Variants in SSBP3 observed in about 807,000 individuals in gnomAD.
The protein encoded by SSBP3 is single stranded DNA binding protein 3, also known as single-stranded DNA-binding protein 3.
Under a neutral mutation model 69.6 loss-of-function variants are expected in SSBP3, and 5 were observed. The ratio of observed to expected loss-of-function variants is 0.07; its 90% CI spans 0.04 to 0.15. The LOEUF is 0.15. SSBP3 is among the 10% of genes least tolerant of loss of function. The pLI, the probability that SSBP3 is intolerant of heterozygous loss-of-function variation, is 1.00. For synonymous variants in SSBP3, 196 were observed against 193.4 expected (o/e 1.01, Z -0.11); for missense variants, 312 against 534.0 (o/e 0.58, Z 4.10).
intron 10 of SSBP3, among the ~76,000 whole-genome samples, 195 bp from the exon 11 acceptor site, chr1:54,242,407 A>G (rs1644655669): frequency 6.6e-6 from 1 of 152,240 alleles, no homozygotes; most frequent in Non-Finnish European, 1.5e-5. Flanking sequence ...GCTTTAAATT[A>G]TAGGTAAACT....
At chr1:54,409,464 G>A (rs563652648), upstream of SSBP3, among the ~76,000 whole-genome samples, 8 of 151,988 alleles carry the variant, frequency 5.3e-5, no homozygotes, top group African/African-American at 1.9e-4. Context: ...CAATACCTGT[G>A]TATGTTAACA....
intron 9 of SSBP3, among the ~76,000 whole-genome samples, chr1:54,250,864 A>G (rs1297862837): frequency 6.6e-6 from 1 of 152,198 alleles, no homozygotes; most frequent in African/African-American, 2.4e-5. Flanking sequence ...TGTCAGCGCC[A>G]ACACCTGTTG....
exon 1 of SSBP3, chr1:54,413,460 T>G (rs1452698535): frequency 6.6e-6 from 1 of 152,328 alleles, no homozygotes; most frequent in Non-Finnish European, 1.5e-5. Flanking sequence ...ATGTCTGTCA[T>G]GTTCTTTCCA....
chr1:54,348,697 G>A (rs1053466823), intron 4 of SSBP3, among the ~76,000 whole-genome samples: 1 of 152,344 alleles, frequency 6.6e-6, no homozygotes, highest in East Asian at 1.9e-4. Flanking sequence ...GCCAGCTTAG[G>A]GTCTGTGGTC....
At chr1:54,379,064 G>A (rs1429964993) in intron 4 of SSBP3, among the ~76,000 whole-genome samples, 3 of 152,164 alleles carry the variant, frequency 2.0e-5, no homozygotes, top group African/African-American at 7.2e-5. Flanking sequence ...AGTCAGCCAG[G>A]TTGCTTTTGA....
rs745715208 is a variant in SSBP3 at position 54,308,314 on chromosome 1, G to A, written c.277-26787C>T. Among the ~76,000 whole-genome samples the A allele has an allele frequency of 3.3e-5, 5 of 151,918 alleles. No individual in the cohort carries two copies. The East Asian group carries it at 5.8e-4, about 18-fold the overall frequency. On this transcript the variant is annotated intron_variant, in intron 4 of 17. Coordinates refer to ENST00000610401, the Ensembl canonical transcript of SSBP3. The stretch of plus-strand genomic sequence containing the variant: ...TCTACTAAAAATACAAAAATTAGCC[G>A]GGCGTGGCCGGGCACGGTGGCTCAT...
intron 5 of SSBP3, among the ~76,000 whole-genome samples, chr1:54,259,412 A>T (rs1644979050): frequency 6.6e-6 from 1 of 152,166 alleles, no homozygotes; most frequent in Non-Finnish European, 1.5e-5. Context: ...CTCTCCTACC[A>T]TGGGTCACAG....
chr1:54,331,493 A>G (rs1646409979), intron 4 of SSBP3, among the ~76,000 whole-genome samples: 1 of 152,202 alleles, frequency 6.6e-6, no homozygotes, highest in Non-Finnish European at 1.5e-5. Flanking sequence ...TGACAAAGAG[A>G]GTTTTCTGGT....
intron 14 of SSBP3, among the ~76,000 whole-genome samples, chr1:54,230,929 G>A (rs1230789552): frequency 6.6e-6 from 1 of 152,182 alleles, no homozygotes; most frequent in Non-Finnish European, 1.5e-5. Flanking sequence ...GGAACGTTCA[G>A]GTTATTTTCA....
At chr1:54,356,759 T>G (rs1646874690) in intron 4 of SSBP3, 1 of 152,262 alleles carries the variant, frequency 6.6e-6, no homozygotes, top group African/African-American at 2.4e-5. Flanking sequence ...CCTCCAGCAT[T>G]CTACCCACAT....
chr1:54,357,333 G>A (rs1238582972), intron 4 of SSBP3, among the ~76,000 whole-genome samples: 1 of 152,136 alleles, frequency 6.6e-6, no homozygotes, highest in African/African-American at 2.4e-5. Flanking sequence ...CCCCACTCCT[G>A]ACAAAAAGCT....
intron 4 of SSBP3, among the ~76,000 whole-genome samples, chr1:54,338,117 A>G (rs1646542586): frequency 1.3e-5 from 2 of 152,238 alleles, no homozygotes; most frequent in South Asian, 4.1e-4. Context: ...CAGTTTGTGA[A>G]GCCAGCTTCT....
At position 54,322,526 on chromosome 1, in the gene SSBP3, C is replaced by A. The variant is rs140466791; in HGVS notation, c.277-40999G>T. 1.1e-3 allele frequency among the ~76,000 whole-genome samples: 172 copies of A among 152,134 alleles called. 1 individual carries two copies. The highest frequency in any genetic ancestry group is 3.9e-3 in the African/African-American group (160 of 41,506). On this transcript the variant is annotated intron_variant, in intron 4 of 17. Transcript: ENST00000610401. The stretch of plus-strand genomic sequence containing the variant: ...TGCCACATCTGATAATGCACCTGGC[C>A]ACATAAACTCAAGATGACACCTATC...
intron 4 of SSBP3, among the ~76,000 whole-genome samples, chr1:54,358,717 G>A (rs908876083): frequency 8.5e-5 from 13 of 152,202 alleles, no homozygotes; most frequent in African/African-American, 3.1e-4. Flanking sequence ...ATGCAAGAGA[G>A]GATTGCAAGT....
At chr1:54,260,342 C>T (rs1644996132) in intron 5 of SSBP3, among the ~76,000 whole-genome samples, 1 of 152,262 alleles carries the variant, frequency 6.6e-6, no homozygotes, top group South Asian at 2.1e-4. Flanking sequence ...TAACTGAGTG[C>T]TTCCTCAGGG....
intron 4 of SSBP3, among the ~76,000 whole-genome samples, chr1:54,293,855 G>A (rs1247651708): frequency 3.3e-5 from 5 of 152,002 alleles, no homozygotes; most frequent in Non-Finnish European, 4.4e-5. Context: ...CCTGCTTTTC[G>A]GCCAGGCATG....
intron 4 of SSBP3, among the ~76,000 whole-genome samples, chr1:54,301,743 C>T (rs1469482894): frequency 5.3e-5 from 8 of 152,180 alleles, no homozygotes; most frequent in Non-Finnish European, 1.0e-4. Context: ...AGGCATCCCC[C>T]ACCCACCTGT....
chr1:54,299,048 G>A (rs1050538458), intron 4 of SSBP3, among the ~76,000 whole-genome samples: 1 of 151,854 alleles, frequency 6.6e-6, no homozygotes, highest in South Asian at 2.1e-4. Flanking sequence ...GTGTGCTGGG[G>A]GTTCAGTCCC....
At chr1:54,240,047 G>GTGTGTGTGTGTGTGTGT (rs1553123140) in intron 13 of SSBP3, among the ~76,000 whole-genome samples, 5 of 77,792 alleles carry the variant, frequency 6.4e-5, no homozygotes, top group African/African-American at 2.7e-4. Context: ...ATTGTGATGG[G>GTGTGTGTGTGTGTGTGT]GTGTGTGTGT....
Sources: allele counts gnomAD v4.1 joint callset (sites outside exome capture counted in the v4.1 genomes callset), GRCh38; gene constraint gnomAD v4.1.1; transcripts MANE v1.5; gene names NCBI Gene and HGNC (gene_info 2026-07-23, HGNC 2026-07-21).